The following TFAP2B variants were observed in gnomAD, a reference collection of about 807,000 sequenced individuals.
TFAP2B encodes transcription factor AP-2 beta.
A neutral mutation model predicts 44.3 loss-of-function variants in TFAP2B; 9 were observed. That is an observed-to-expected ratio of 0.20 (90% CI 0.12 to 0.35). The LOEUF (loss-of-function observed/expected upper bound fraction) is 0.35, where lower values mean the gene tolerates loss of function less well. Ranked by LOEUF, TFAP2B falls within the 10% of genes least tolerant of loss-of-function variation. TFAP2B has a pLI of 1.00. For synonymous variants in TFAP2B, 270 were observed against 263.8 expected (o/e 1.02, Z -0.23); for missense variants, 509 against 600.0 (o/e 0.85, Z 1.59).
At chr6:50,820,545 G>A (rs1420083143) in intron 1 of TFAP2B, among the ~76,000 whole-genome samples, 2 of 152,262 alleles carry the variant, frequency 1.3e-5, no homozygotes, top group Non-Finnish European at 2.9e-5. Context: ...GATGCTTGGG[G>A]TTTTCCTTTT....
chr6:50,822,177 G>A lies in TFAP2B; in HGVS notation c.82-1230G>A, dbSNP rs772277153. Reference sequence around the variant, plus strand: ...TCATCCATGGTGAGTTTGGATTCACGTGTTACCAGAATTGCATGCTCCCTC... The same window carrying A: ...TCATCCATGGTGAGTTTGGATTCACATGTTACCAGAATTGCATGCTCCCTC... On this transcript the variant is annotated intron_variant, in intron 1 of 6. Coordinates refer to ENST00000393655, the MANE Select transcript of TFAP2B (RefSeq NM_003221.4). 1.0e-5 allele frequency: 13 copies of A among 1,303,378 alleles called. No individual in the cohort carries two copies. The South Asian group carries it at 1.6e-4, about 16-fold the overall frequency. 80.7% of individuals were successfully genotyped at this position (1,303,378 alleles called of 1,614,324 possible).
intron 5 of TFAP2B, 48 bp downstream of exon 5, chr6:50,838,141 C>CACGAAGT: frequency 7.4e-7 from 1 of 1,357,380 alleles, no homozygotes. Flanking sequence ...GCTTAACTGT[C>CACGAAGT]GGCTGGAGGC....
rs1762742675 is a variant in TFAP2B, at chr6:50,842,001, C to A, written c.1083-1091C>A. Among the ~76,000 whole-genome samples, 4 of 152,350 alleles carry A rather than the reference C, an allele frequency of 2.6e-5. No individual in the cohort carries two copies. In the South Asian group the frequency reaches 8.3e-4, roughly 32 times the overall value. Reference sequence around the variant, plus strand: ...CCCAGGATTCTTTGAGTCCAATCACCTGCCCTGTTTACCTGTTGGCTAGGC... The same window carrying A: ...CCCAGGATTCTTTGAGTCCAATCACATGCCCTGTTTACCTGTTGGCTAGGC... On this transcript the variant is annotated intron_variant, in intron 6 of 6. Transcript: ENST00000393655.
chr6:50,829,017 A>G (rs193161579), intron 3 of TFAP2B, among the ~76,000 whole-genome samples: 3 of 152,390 alleles, frequency 2.0e-5, no homozygotes, highest in Non-Finnish European at 4.4e-5. Context: ...AGAAGGTGCT[A>G]CAATTATTTC....
chr6:50,839,171 A>G (rs1762677450), intron 5 of TFAP2B, among the ~76,000 whole-genome samples: 2 of 152,166 alleles, frequency 1.3e-5, no homozygotes, highest in Admixed American at 1.3e-4. Context: ...CATAGTCCTC[A>G]TTTTGGAAAG....
At chr6:50,836,003 G>T (rs1762612188) in intron 3 of TFAP2B, 58 bp from the exon 4 acceptor site, 2 of 1,341,692 alleles carry the variant, frequency 1.5e-6, no homozygotes, top group East Asian at 2.3e-5. Context: ...CATTCTATCA[G>T]CCGGTCATCA....
At chr6:50,828,981 G>T (rs920164712) in intron 3 of TFAP2B, among the ~76,000 whole-genome samples, 6 of 152,196 alleles carry the variant, frequency 3.9e-5, no homozygotes, top group Non-Finnish European at 1.5e-5. Flanking sequence ...ATCATGTGTG[G>T]AATTGGCTGG....
chr6:50,842,312 G>A (rs1023830949), intron 6 of TFAP2B, among the ~76,000 whole-genome samples: 2 of 152,202 alleles, frequency 1.3e-5, no homozygotes, highest in African/African-American at 2.4e-5. Flanking sequence ...CTAAGGCTGG[G>A]AGATTCCTCT....
At chr6:50,819,540 G>A (rs1770264021) in intron 1 of TFAP2B, among the ~76,000 whole-genome samples, 1 of 152,168 alleles carries the variant, frequency 6.6e-6, no homozygotes, top group Non-Finnish European at 1.5e-5. Flanking sequence ...ATTAGTTTCT[G>A]TTTTCTTGTG....
chr6:50,842,703 A>T (rs1044800894), intron 6 of TFAP2B, among the ~76,000 whole-genome samples: 2 of 152,198 alleles, frequency 1.3e-5, no homozygotes, highest in African/African-American at 4.8e-5. Flanking sequence ...AAGAGGTTGG[A>T]GAGGTGGGAG....
rs928331700 is a variant in TFAP2B at position 50,845,156 on chromosome 6, A to G, written c.*1764A>G. 1 of 152,292 alleles carries G rather than the reference A, an allele frequency of 6.6e-6. No individual in the cohort carries two copies. Among genetic ancestry groups the G allele is most frequent in the African/African-American group, 2.4e-5 (1 of 41,552 alleles). 9.4% of individuals were successfully genotyped at this position (152,292 alleles called of 1,614,324 possible). On this transcript the variant is annotated 3_prime_UTR_variant, in exon 7 of 7. Coordinates refer to ENST00000393655, the MANE Select transcript of TFAP2B (RefSeq NM_003221.4). ...GGGTGAATGAGAGAGGTCTCTAAAT[A>G]TAGTGTTGATACACTCACCTATTTA...
At chr6:50,823,912 G>A in intron 2 of TFAP2B, 47 bp downstream of exon 2, 1 of 1,531,054 alleles carries the variant, frequency 6.5e-7, no homozygotes, top group Non-Finnish European at 8.8e-7. Context: ...CCACGAATAA[G>A]GAATGCTTCT....
rs1453570270 is a variant in TFAP2B, at chr6:50,823,909, T to C, written c.540+44T>C. 7.2e-6 allele frequency: 11 copies of C among 1,529,438 alleles called. No homozygotes were observed. The South Asian group carries it at 1.3e-4, about 18-fold the overall frequency. The allele number at this position is 1,529,438 out of a possible 1,614,324, so 94.7% of individuals were successfully genotyped here. A position where few individuals can be genotyped will look rare whatever the true frequency, so the allele number is the denominator to read the frequency against. On this transcript the variant is annotated intron_variant, in intron 2 of 6. Coordinates refer to ENST00000393655, the MANE Select transcript of TFAP2B (RefSeq NM_003221.4). Reference sequence around the variant, plus strand: ...ACAAACAAACAAAAAAGACCACGAATAAGGAATGCTTCTGGAGGGGGGGAG... The same window carrying C: ...ACAAACAAACAAAAAAGACCACGAACAAGGAATGCTTCTGGAGGGGGGGAG...
intron 3 of TFAP2B, among the ~76,000 whole-genome samples, chr6:50,831,061 C>T (rs973957554): frequency 2.6e-5 from 4 of 152,162 alleles, no homozygotes; most frequent in Non-Finnish European, 4.4e-5. Flanking sequence ...ATAAATGATG[C>T]ATGTCTCTAT....
At position 50,845,097 on chromosome 6, in the gene TFAP2B, T is replaced by G. The variant is rs1201592923; in HGVS notation, c.*1705T>G. ...AGATCTGGAATCCATTGTCTGCACCTCCGCAAAAGCAGTGAGAAATTATCC... is the reference window on the plus strand; with the variant it reads ...AGATCTGGAATCCATTGTCTGCACCGCCGCAAAAGCAGTGAGAAATTATCC... On this transcript the variant is annotated 3_prime_UTR_variant, in exon 7 of 7. Coordinates refer to ENST00000393655, the MANE Select transcript of TFAP2B (RefSeq NM_003221.4). 2 of 152,128 alleles carry G rather than the reference T, an allele frequency of 1.3e-5. No individual in the cohort carries two copies. The highest frequency in any genetic ancestry group is 2.9e-5 in the Non-Finnish European group (2 of 68,028). 9.4% of individuals were successfully genotyped at this position (152,128 alleles called of 1,614,324 possible).
chr6:50,822,115 A>G (rs1234134529), intron 1 of TFAP2B: 2 of 1,303,030 alleles, frequency 1.5e-6, no homozygotes, highest in African/African-American at 1.5e-5. Context: ...TTGAGCAGTA[A>G]CCAGGCTTTT....
chr6:50,830,296 G>A, intron 3 of TFAP2B: 3 of 985,158 alleles, frequency 3.0e-6, no homozygotes, highest in Non-Finnish European at 3.6e-6. Flanking sequence ...GTTATTAATA[G>A]CCAGTCCAAT....
intron 6 of TFAP2B, among the ~76,000 whole-genome samples, chr6:50,841,175 C>A (rs576532600): frequency 1.3e-5 from 2 of 152,230 alleles, no homozygotes; most frequent in African/African-American, 2.4e-5. Context: ...TGCTTACAGA[C>A]CCTGGTTTGG....
chr6:50,840,413 C>A, intron 6 of TFAP2B, 116 bp downstream of exon 6: 2 of 1,334,472 alleles, frequency 1.5e-6, no homozygotes, highest in Non-Finnish European at 2.1e-6. Context: ...CTAGAAGTAG[C>A]ATTTGCAGCC....
Sources: gnomAD v4.1 joint callset for allele counts (sites outside exome capture counted in the v4.1 genomes callset) on GRCh38, gnomAD v4.1.1 for gene constraint, MANE v1.5 for transcripts, NCBI Gene and HGNC (gene_info 2026-07-23, HGNC 2026-07-21) for gene names.